TTLL5: variants seen among roughly 807,000 people sequenced by gnomAD.
TTLL5 encodes the protein tubulin tyrosine ligase like 5, also known as tubulin polyglutamylase TTLL5.
A neutral mutation model predicts 168.4 loss-of-function variants in TTLL5; 132 were observed. The ratio of observed to expected loss-of-function variants is 0.78; its 90% CI spans 0.68 to 0.91. TTLL5 has a LOEUF of 0.91. TTLL5 is among the 40% of genes least tolerant of loss of function. The pLI, the probability that TTLL5 is intolerant of heterozygous loss-of-function variation, is 0.00. For missense variants in TTLL5, 1,545 were observed against 1,581.5 expected (o/e 0.98, Z 0.39); for synonymous variants, 546 against 558.6 (o/e 0.98, Z 0.32).
chr14:75,755,827 T>C (rs1890222253), intron 18 of TTLL5, among the ~76,000 whole-genome samples: 1 of 152,142 alleles, frequency 6.6e-6, no homozygotes, highest in Admixed American at 6.6e-5. Flanking sequence ...TCAAACTAAT[T>C]CTCTACTCAT....
intron 29 of TTLL5, among the ~76,000 whole-genome samples, chr14:75,871,123 T>G (rs1158678375): frequency 6.6e-6 from 1 of 152,172 alleles, no homozygotes; most frequent in African/African-American, 2.4e-5. Flanking sequence ...ATCATATAAG[T>G]CTGATCTTAG....
At chr14:75,709,414 C>T (rs1299201313) in intron 9 of TTLL5, 1 of 522,516 alleles carries the variant, frequency 1.9e-6, no homozygotes, top group Admixed American at 3.4e-5. Context: ...GTGGCAGTCA[C>T]AGCATTTATA....
chr14:75,732,629 A>G (rs1006452315), intron 13 of TTLL5, among the ~76,000 whole-genome samples: 1 of 152,190 alleles, frequency 6.6e-6, no homozygotes, highest in Non-Finnish European at 1.5e-5. Context: ...TAGTCAATTT[A>G]CAATTATATC....
intron 5 of TTLL5, chr14:75,684,940 T>C (rs1884923828): frequency 6.6e-6 from 1 of 152,322 alleles, no homozygotes; most frequent in African/African-American, 2.4e-5. Context: ...GCCGTGTTCT[T>C]TGTATACTTT....
chr14:75,816,233 T>C (rs901783125), intron 27 of TTLL5, among the ~76,000 whole-genome samples: 2 of 152,218 alleles, frequency 1.3e-5, no homozygotes, highest in Non-Finnish European at 2.9e-5. Flanking sequence ...GTTACCAGCC[T>C]GGCCAACATG....
At chr14:75,670,716 T>C (rs1468682401) in intron 3 of TTLL5, among the ~76,000 whole-genome samples, 6 of 152,222 alleles carry the variant, frequency 3.9e-5, no homozygotes, top group Admixed American at 3.3e-4. Context: ...TGTATTTTCT[T>C]TGGAGAAAGG....
intron 30 of TTLL5, among the ~76,000 whole-genome samples, chr14:75,885,711 G>A (rs932358913): frequency 1.3e-5 from 2 of 152,106 alleles, no homozygotes; most frequent in Non-Finnish European, 2.9e-5. Flanking sequence ...TATTCTCACT[G>A]TTCTGTAGTA....
chr14:75,862,280 A>G (rs918785797), intron 28 of TTLL5, among the ~76,000 whole-genome samples: 7 of 152,164 alleles, frequency 4.6e-5, no homozygotes, highest in African/African-American at 9.7e-5. Flanking sequence ...ATTTTGTACA[A>G]TGCTGCTATG....
At chr14:75,849,790 A>G (rs1896748634) in intron 28 of TTLL5, among the ~76,000 whole-genome samples, 1 of 152,182 alleles carries the variant, frequency 6.6e-6, no homozygotes, top group African/African-American at 2.4e-5. Context: ...TGAATGTGGT[A>G]ATACTGTCAT....
intron 28 of TTLL5, among the ~76,000 whole-genome samples, chr14:75,843,002 A>C (rs1896339931): frequency 6.6e-6 from 1 of 152,148 alleles, no homozygotes; most frequent in Admixed American, 6.5e-5. Flanking sequence ...TTGAACAGCA[A>C]AGCACCTGCT....
chr14:75,921,753 A>G (rs572572224), intron 31 of TTLL5, among the ~76,000 whole-genome samples: 4 of 152,186 alleles, frequency 2.6e-5, no homozygotes, highest in East Asian at 3.9e-4. Flanking sequence ...GTTTTTTCCA[A>G]TTCTGTGAAG....
At chr14:75,868,073 C>G (rs547102360) in intron 29 of TTLL5, among the ~76,000 whole-genome samples, 1 of 152,170 alleles carries the variant, frequency 6.6e-6, no homozygotes, top group African/African-American at 2.4e-5. Context: ...ATTCTAATTG[C>G]AGACATTGAG....
intron 26 of TTLL5, 110 bp downstream of exon 26, chr14:75,783,640 G>A: frequency 7.1e-7 from 1 of 1,407,114 alleles, no homozygotes; most frequent in Non-Finnish European, 9.6e-7. Context: ...AAATGGAAAT[G>A]GACACACACT....
At chr14:75,836,187 A>C (rs1040937171) in intron 28 of TTLL5, among the ~76,000 whole-genome samples, 4 of 152,208 alleles carry the variant, frequency 2.6e-5, no homozygotes, top group African/African-American at 7.2e-5. Flanking sequence ...TGATACATAC[A>C]CATAGTAGAG....
At chr14:75,800,098 C>A (rs1349267809) in intron 27 of TTLL5, among the ~76,000 whole-genome samples, 1 of 152,156 alleles carries the variant, frequency 6.6e-6, no homozygotes, top group Admixed American at 6.5e-5. Flanking sequence ...CTCGGGAACA[C>A]CAGTTATTCT....
intron 29 of TTLL5, 100 bp downstream of exon 29, chr14:75,863,962 G>A (rs2030284575): frequency 1.6e-6 from 2 of 1,236,916 alleles, no homozygotes; most frequent in South Asian, 1.8e-5. Context: ...TGTAGGATTA[G>A]TTTTCCAACC....
chr14:75,783,031 ATTTCTG>A (rs1268675828), intron 25 of TTLL5, 110 bp from the exon 26 acceptor site: 2 of 1,212,872 alleles, frequency 1.6e-6, no homozygotes, highest in Non-Finnish European at 2.2e-6. Context: ...ATTTTTCATG[ATTTCTG>A]TTTCATGCCA....
intron 6 of TTLL5, among the ~76,000 whole-genome samples, chr14:75,698,775 C>T (rs1566818657): frequency 1.3e-5 from 2 of 151,860 alleles, no homozygotes; most frequent in Non-Finnish European, 1.5e-5. Flanking sequence ...CATGGTGGCC[C>T]ATGCCTGTAG....
intron 30 of TTLL5, among the ~76,000 whole-genome samples, chr14:75,901,918 G>C (rs2032939835): frequency 6.6e-6 from 1 of 152,110 alleles, no homozygotes; most frequent in South Asian, 2.1e-4. Flanking sequence ...ATTTCAGTAG[G>C]GAGAAATTAA....
Sources: allele counts gnomAD v4.1 joint callset (sites outside exome capture counted in the v4.1 genomes callset), GRCh38; gene constraint gnomAD v4.1.1; transcripts MANE v1.5; gene names NCBI Gene and HGNC (gene_info 2026-07-23, HGNC 2026-07-21).